The following ZFPM1 variants were observed in gnomAD, a reference collection of about 807,000 sequenced individuals.
ZFPM1 encodes the protein zinc finger protein ZFPM1.
In ZFPM1, 28 loss-of-function variants were observed where a neutral mutation model predicts 46.3. The observed-to-expected ratio is 0.60, with a 90% confidence interval of 0.45 to 0.83. The LOEUF (loss-of-function observed/expected upper bound fraction) is 0.83. Among genes scored for constraint, ZFPM1 ranks in the 40% least tolerant of loss-of-function variants. ZFPM1 has a pLI of 0.00. For missense variants in ZFPM1, 1,878 were observed against 1,432.4 expected (o/e 1.31, Z -5.02); for synonymous variants, 957 against 675.9 (o/e 1.42, Z -6.45).
chr16:88,490,468 A>T (rs1383537896), intron 3 of ZFPM1, among the ~76,000 whole-genome samples: 2 of 152,218 alleles, frequency 1.3e-5, no homozygotes, highest in Non-Finnish European at 2.9e-5. Flanking sequence ...TGGAGAGAAG[A>T]TGCATGGTGA....
chr16:88,496,802 A>T (rs1245159884), intron 3 of ZFPM1, among the ~76,000 whole-genome samples: 1 of 151,800 alleles, frequency 6.6e-6, no homozygotes, highest in Non-Finnish European at 1.5e-5. Flanking sequence ...GGGGCTCTCG[A>T]CTCCTGGTAT....
chr16:88,494,918 G>A (rs1033820755), intron 3 of ZFPM1, among the ~76,000 whole-genome samples: 1 of 152,232 alleles, frequency 6.6e-6, no homozygotes, highest in Admixed American at 6.5e-5. Flanking sequence ...GGCGGCAGGA[G>A]GCGGAGAGCT....
In ZFPM1 at chr16:88,536,951, A is replaced by G. The variant is rs1913269578; in HGVS notation, c.*1972A>G. 1 of 152,298 alleles carries G rather than the reference A, an allele frequency of 6.6e-6. No homozygotes were observed. The highest frequency in any genetic ancestry group is 1.9e-4 in the East Asian group (1 of 5,188). The allele number at this position is 152,298 out of a possible 1,614,324, so 9.4% of individuals were successfully genotyped here. On this transcript the variant is annotated 3_prime_UTR_variant, in exon 10 of 10. Coordinates refer to ENST00000319555, the MANE Select transcript of ZFPM1 (RefSeq NM_153813.3). ...GCGGGCGCAGGGTACAAGATGTTCT[A>G]AAAAATAGAAACCTGGTGGGGGGTT...
At chr16:88,533,109 C>G in intron 9 of ZFPM1, 39 bp from the exon 10 acceptor site, 1 of 1,434,600 alleles carries the variant, frequency 7.0e-7, no homozygotes, top group Non-Finnish European at 9.1e-7. Flanking sequence ...CCAGGTCCTG[C>G]CCCAGGCCTG....
At chr16:88,456,215 G>T (rs1907552486) in intron 1 of ZFPM1, among the ~76,000 whole-genome samples, 1 of 152,224 alleles carries the variant, frequency 6.6e-6, no homozygotes, top group African/African-American at 2.4e-5. Context: ...AACTGGCTTT[G>T]CCCCGGCCAG....
chr16:88,489,057 C>A lies in ZFPM1; in HGVS notation c.172C>A (p.Pro58Thr). 1 of 1,612,806 alleles carries A rather than the reference C, an allele frequency of 6.2e-7. No individual in the cohort carries two copies. Among genetic ancestry groups the A allele is most frequent in the South Asian group, 1.1e-5 (1 of 91,060 alleles). ...ADVNSPPPLP[P>T]PTSPGGPKEL... ...TGTTAACTCACCCCCACCGCTGCCG[C>A]CCCCCACATCCCCAGGAGGCCCCAA... Residue 58 changes from proline to threonine, a missense_variant, in exon 3 of 10, where the codon CCC becomes ACC. Physicochemically the swap from Pro to Thr is conservative, Grantham distance 38 (BLOSUM62 -1). Transcript: ENST00000319555.
intron 4 of ZFPM1, among the ~76,000 whole-genome samples, chr16:88,515,447 T>C (rs1436503051): frequency 6.6e-6 from 1 of 152,218 alleles, no homozygotes; most frequent in African/African-American, 2.4e-5. Context: ...TTTGGGACCT[T>C]GGGTGAGACA....
chr16:88,498,589 C>T (rs1321476825), intron 3 of ZFPM1, among the ~76,000 whole-genome samples: 2 of 152,192 alleles, frequency 1.3e-5, no homozygotes, highest in East Asian at 1.9e-4. Flanking sequence ...CCCACATGTC[C>T]GAGGGGCAGG....
intron 1 of ZFPM1, among the ~76,000 whole-genome samples, chr16:88,482,803 C>A (rs1352671803): frequency 6.6e-6 from 1 of 152,172 alleles, no homozygotes; most frequent in African/African-American, 2.4e-5. Context: ...CCACAGAAAG[C>A]CCGGGCCTCT....
At chr16:88,520,631 TGGTGGATA>T in intron 4 of ZFPM1, among the ~76,000 whole-genome samples, 1 of 73,524 alleles carries the variant, frequency 1.4e-5, no homozygotes, top group Admixed American at 1.8e-4. Context: ...GGTGGGTGGA[TGGTGGATA>T]GATGGATGGG....
Position 88,533,498 on chromosome 16 carries a change from G to A in ZFPM1, c.1540G>A (p.Val514Met), listed in dbSNP as rs1912976671. The A allele has an allele frequency of 1.4e-6, 2 of 1,403,724 alleles. No individual in the cohort carries two copies. The highest frequency in any genetic ancestry group is 1.8e-6 in the Non-Finnish European group (2 of 1,084,430). The allele number at this position is 1,403,724 out of a possible 1,614,324, so 87.0% of individuals were successfully genotyped here. A position where few individuals can be genotyped will look rare whatever the true frequency, so the allele number is the denominator to read the frequency against. ...CAGCCCCACGCCGGGCTCCAGCCCGGTGCCCGGCGAGCTGGGCCTGGCCGG... is the reference window on the plus strand; with the variant it reads ...CAGCCCCACGCCGGGCTCCAGCCCGATGCCCGGCGAGCTGGGCCTGGCCGG... The part of the protein sequence containing the change: ...LSSPTPGSSP[V>M]PGELGLAGAL... Residue 514 changes from valine (V) to methionine (M), a missense_variant, in exon 10 of 10, where the codon GTG becomes ATG. Val to Met is a conservative substitution (Grantham distance 21, BLOSUM62 1). Coordinates refer to ENST00000319555, the MANE Select transcript of ZFPM1 (RefSeq NM_153813.3).
chr16:88,529,386 C>T lies in ZFPM1; in HGVS notation c.712+1148C>T, dbSNP rs1039641687. Among the ~76,000 whole-genome samples the T allele has an allele frequency of 2.6e-5, 4 of 152,220 alleles. No homozygotes were observed. In the East Asian group the frequency reaches 5.8e-4, roughly 22 times the overall value. ...TTTGTGAGCAAGTCGGATGTGAAGA[C>T]GGCTTGAAGTAGGTGGAGGCAGCCA... On this transcript the variant is annotated intron_variant, in intron 6 of 9. Coordinates refer to ENST00000319555, the MANE Select transcript of ZFPM1 (RefSeq NM_153813.3).
In ZFPM1 at chr16:88,494,766, A is replaced by G. The variant is rs375464809; in HGVS notation, c.268+5613A>G. On this transcript the variant is annotated intron_variant, in intron 3 of 9. Transcript: ENST00000319555. ...TGGACTCCAGTGAGGCAGCAGGAGGAGCCGGCAGGAGGAGAGAAGGGCTGG... is the reference window on the plus strand; with the variant it reads ...TGGACTCCAGTGAGGCAGCAGGAGGGGCCGGCAGGAGGAGAGAAGGGCTGG... Among the ~76,000 whole-genome samples, 244 of 151,842 alleles carry G rather than the reference A, an allele frequency of 1.6e-3. 1 individual carries two copies. The highest frequency in any genetic ancestry group is 5.7e-3 in the African/African-American group (236 of 41,402).
At chr16:88,495,010 C>G (rs1909854934) in intron 3 of ZFPM1, among the ~76,000 whole-genome samples, 1 of 152,240 alleles carries the variant, frequency 6.6e-6, no homozygotes, top group Non-Finnish European at 1.5e-5. Context: ...AAGCCATAAT[C>G]TATAATCCCT....
At chr16:88,533,013 A>T in intron 9 of ZFPM1, 78 bp downstream of exon 9, 1 of 1,577,770 alleles carries the variant, frequency 6.3e-7, no homozygotes, top group Non-Finnish European at 8.6e-7. Context: ...GTCGCCCAAG[A>T]CAGGTGGGGG....
At chr16:88,517,210 A>ATGGATGGATGGGTGGGTGGG (rs1911367609) in intron 4 of ZFPM1, among the ~76,000 whole-genome samples, 1 of 118,876 alleles carries the variant, frequency 8.4e-6, no homozygotes, top group African/African-American at 3.1e-5. Context: ...GGATGGATGG[A>ATGGATGGATGGGTGGGTGGG]TGGATGGATG....
chr16:88,517,226 ATGGGTGGGTGGGTGGG>A (rs552381201), intron 4 of ZFPM1, among the ~76,000 whole-genome samples: 14 of 27,238 alleles, frequency 5.1e-4, no homozygotes, highest in East Asian at 1.7e-3. Flanking sequence ...GGATGGATGG[ATGGGTGGGTGGGTGGG>A]TGGATGGATG....
intron 3 of ZFPM1, among the ~76,000 whole-genome samples, chr16:88,504,558 G>A (rs192395621): frequency 1.2e-4 from 18 of 152,230 alleles, no homozygotes; most frequent in African/African-American, 2.6e-4. Flanking sequence ...GCGAGGTGCC[G>A]CAGAGTGGCA....
At position 88,532,091 on chromosome 16, in the gene ZFPM1, C is replaced by T; in HGVS notation, c.802C>T (p.Gln268Ter). 1 of 1,612,494 alleles carries T rather than the reference C, an allele frequency of 6.2e-7. No homozygotes were observed. The highest frequency in any genetic ancestry group is 8.5e-7 in the Non-Finnish European group (1 of 1,179,758). The change falls in exon 7 of 10, where the codon CAG becomes TAG. Residue 268 changes from glutamine to a stop codon, truncating the protein, a stop_gained. Transcript: ENST00000319555. LOFTEE classifies it high-confidence loss of function. ...CCTGCTCTACTACTGCGCCAGCCGCCAGGGCACCGGCTCCCCGGCCGCAGC... is the reference window on the plus strand; with the variant it reads ...CCTGCTCTACTACTGCGCCAGCCGCTAGGGCACCGGCTCCCCGGCCGCAGC... Reference protein sequence around the residue: ...AHLLYYCASRQGTGSPAAAAT... With the variant: ...AHLLYYCASR
Sources: gnomAD v4.1 joint callset for allele counts (sites outside exome capture counted in the v4.1 genomes callset) on GRCh38, gnomAD v4.1.1 for gene constraint, MANE v1.5 for transcripts, NCBI Gene and HGNC (gene_info 2026-07-23, HGNC 2026-07-21) for gene names.